LPAR1: variants seen among roughly 807,000 people sequenced by gnomAD.
LPAR1 encodes LPA receptor 1.
Under a neutral mutation model 23.8 loss-of-function variants are expected in LPAR1, and 5 were observed. That is an observed-to-expected ratio of 0.21 (90% CI 0.11 to 0.44). The LOEUF (loss-of-function observed/expected upper bound fraction) is 0.44, where lower values mean the gene tolerates loss of function less well. Among genes scored for constraint, LPAR1 ranks in the 20% least tolerant of loss-of-function variants. The pLI is 0.99. For missense variants in LPAR1, 311 were observed against 482.8 expected (o/e 0.64, Z 3.33); for synonymous variants, 160 against 164.7 (o/e 0.97, Z 0.22).
At chr9:110,917,438 G>T (rs2093264877) in intron 5 of LPAR1, among the ~76,000 whole-genome samples, 1 of 152,180 alleles carries the variant, frequency 6.6e-6, no homozygotes. Context: ...TGCTAAACCT[G>T]ATTCTTGAGG....
At chr9:110,954,413 C>T (rs1003769190) in intron 4 of LPAR1, among the ~76,000 whole-genome samples, 8 of 152,130 alleles carry the variant, frequency 5.3e-5, no homozygotes, top group African/African-American at 1.9e-4. Flanking sequence ...AACAAAATAA[C>T]AGCTGAAAAT....
intron 4 of LPAR1, among the ~76,000 whole-genome samples, chr9:110,944,152 A>G (rs147366771): frequency 6.6e-6 from 1 of 152,310 alleles, no homozygotes; most frequent in Non-Finnish European, 1.5e-5. Context: ...CTGATTGCTG[A>G]CATAACCCGC....
At chr9:110,953,215 C>T (rs2095625106) in intron 4 of LPAR1, among the ~76,000 whole-genome samples, 1 of 152,188 alleles carries the variant, frequency 6.6e-6, no homozygotes. Context: ...CTGCCTGGAC[C>T]TCTTACACTG....
intron 2 of LPAR1, among the ~76,000 whole-genome samples, chr9:111,016,346 A>G (rs2097445168): frequency 6.6e-6 from 1 of 152,232 alleles, no homozygotes; most frequent in South Asian, 2.1e-4. Context: ...CATGATACAG[A>G]AACTACACTT....
At chr9:110,966,412 G>T (rs1342118340) in intron 4 of LPAR1, among the ~76,000 whole-genome samples, 2 of 151,330 alleles carry the variant, frequency 1.3e-5, no homozygotes, top group Non-Finnish European at 2.9e-5. Flanking sequence ...TCAGGAGGCA[G>T]AGGTTGTGGC....
chr9:111,027,910 A>C (rs976633934), intron 2 of LPAR1, among the ~76,000 whole-genome samples: 7 of 142,644 alleles, frequency 4.9e-5, no homozygotes, highest in Non-Finnish European at 9.2e-5. Flanking sequence ...AAAAAAAAAA[A>C]AGAAGCAAGC....
At chr9:111,019,242 T>C (rs1420087031) in intron 2 of LPAR1, among the ~76,000 whole-genome samples, 2 of 152,160 alleles carry the variant, frequency 1.3e-5, no homozygotes, top group Non-Finnish European at 2.9e-5. Context: ...GAAGATTGCT[T>C]GAGCCCAGGA....
intron 2 of LPAR1, among the ~76,000 whole-genome samples, chr9:110,991,618 G>A (rs2096896292): frequency 6.6e-6 from 1 of 150,414 alleles, no homozygotes; most frequent in Non-Finnish European, 1.5e-5. Flanking sequence ...TGTTGTTGTT[G>A]TTGTTTTTTG....
intron 2 of LPAR1, among the ~76,000 whole-genome samples, chr9:110,993,892 C>T (rs1303826966): frequency 1.3e-5 from 2 of 152,140 alleles, no homozygotes; most frequent in African/African-American, 4.8e-5. Context: ...TTGAAAGGTA[C>T]TCACTGGTCT....
chr9:110,974,847 A>G (rs374646500), intron 2 of LPAR1, among the ~76,000 whole-genome samples: 8 of 152,184 alleles, frequency 5.3e-5, no homozygotes, highest in African/African-American at 1.7e-4. Flanking sequence ...AACCTACCCA[A>G]GAAAATTACA....
At chr9:110,878,192 C>G (rs2079639089) in intron 5 of LPAR1, among the ~76,000 whole-genome samples, 1 of 152,124 alleles carries the variant, frequency 6.6e-6, no homozygotes, top group African/African-American at 2.4e-5. Context: ...ATCTTCAAGA[C>G]TCAATCCAAT....
At chr9:110,968,676 G>A (rs1404999678) in intron 4 of LPAR1, among the ~76,000 whole-genome samples, 1 of 152,046 alleles carries the variant, frequency 6.6e-6, no homozygotes, top group Non-Finnish European at 1.5e-5. Flanking sequence ...TGTTTTATCT[G>A]TGTATCTCCC....
At chr9:111,035,700 C>T (rs1013852710) in intron 2 of LPAR1, among the ~76,000 whole-genome samples, 6 of 152,152 alleles carry the variant, frequency 3.9e-5, no homozygotes, top group African/African-American at 1.4e-4. Flanking sequence ...AGGGTGTAGG[C>T]ATATTGATAC....
intron 5 of LPAR1, among the ~76,000 whole-genome samples, chr9:110,891,166 C>T (rs896889112): frequency 6.6e-6 from 1 of 152,090 alleles, no homozygotes; most frequent in African/African-American, 2.4e-5. Context: ...GATAACTATT[C>T]AATCAACTAT....
chr9:110,987,773 T>C (rs1401891273), intron 2 of LPAR1, among the ~76,000 whole-genome samples: 1 of 151,862 alleles, frequency 6.6e-6, no homozygotes, highest in Non-Finnish European at 1.5e-5. Context: ...AAAATATGCA[T>C]ATAAATGGAT....
At chr9:110,914,925 A>T (rs1007377371) in intron 5 of LPAR1, among the ~76,000 whole-genome samples, 1 of 152,086 alleles carries the variant, frequency 6.6e-6, no homozygotes, top group Non-Finnish European at 1.5e-5. Flanking sequence ...AGTTCTAGCC[A>T]CTTGGCTTGA....
intron 2 of LPAR1, among the ~76,000 whole-genome samples, chr9:111,032,572 C>A (rs556701096): frequency 2.8e-4 from 42 of 152,256 alleles, no homozygotes; most frequent in Non-Finnish European, 5.1e-4. Context: ...TGCCCCTGAA[C>A]CATTTCTCCC....
chr9:110,879,384 C>T (rs1216988224), intron 5 of LPAR1, among the ~76,000 whole-genome samples: 1 of 132,888 alleles, frequency 7.5e-6, no homozygotes, highest in Non-Finnish European at 1.5e-5. Flanking sequence ...CACCACCACA[C>T]TCCAGCCTGA....
chr9:110,968,630 G>A (rs1028206404), intron 4 of LPAR1, among the ~76,000 whole-genome samples: 2 of 152,106 alleles, frequency 1.3e-5, no homozygotes, highest in Non-Finnish European at 2.9e-5. Flanking sequence ...CTGTATTTGT[G>A]CATTCCTGCA....
Sources: gnomAD v4.1 joint callset for allele counts (sites outside exome capture counted in the v4.1 genomes callset) on GRCh38, gnomAD v4.1.1 for gene constraint, MANE v1.5 for transcripts, NCBI Gene and HGNC (gene_info 2026-07-23, HGNC 2026-07-21) for gene names.